POLQ: variants seen among roughly 807,000 people sequenced by gnomAD.
POLQ encodes the protein DNA polymerase theta.
POLQ carries 233 observed loss-of-function variants against 259.2 expected under a neutral mutation model. That is an observed-to-expected ratio of 0.90 (90% CI 0.81 to 1.00). The LOEUF (loss-of-function observed/expected upper bound fraction) is 1.00. POLQ is among the 50% of genes least tolerant of loss of function. The probability of loss-of-function intolerance (pLI) is 0.00; values close to 1 mark genes in which losing one functional copy is unlikely to be tolerated. For synonymous variants in POLQ, 1,025 were observed against 1,048.8 expected (o/e 0.98, Z 0.44); for missense variants, 2,871 against 3,051.6 (o/e 0.94, Z 1.39).
At chr3:121,469,018 T>A (rs1000983342) in intron 22 of POLQ, among the ~76,000 whole-genome samples, 2 of 152,004 alleles carry the variant, frequency 1.3e-5, no homozygotes, top group Admixed American at 1.3e-4. Context: ...AAACCCCGTC[T>A]CCACTAAAAA....
chr3:121,535,309 A>T (rs1311276431), intron 5 of POLQ, among the ~76,000 whole-genome samples: 1 of 152,234 alleles, frequency 6.6e-6, no homozygotes, highest in African/African-American at 2.4e-5. Flanking sequence ...TTTACAAAGG[A>T]TGAAAAACCA....
rs1560097183 is a variant in POLQ, at chr3:121,488,474, CTCATAT to C, written c.4451_4456del (p.Asn1484_Met1485del). 6.2e-7 allele frequency: 1 copy of C among 1,608,852 alleles called. No homozygotes were observed. The highest frequency in any genetic ancestry group is 1.7e-5 in the Admixed American group (1 of 59,102). On this transcript the variant is annotated inframe_deletion, in exon 16 of 30. Coordinates refer to ENST00000264233, the MANE Select transcript of POLQ (RefSeq NM_199420.4). ...GAAGCTATCAAATAGTAAACTATCA[CTCATAT>C]TCAAACTTGTTTCAGGAACTGGAAG...
chr3:121,529,500 GCA>G (rs2048395813), intron 7 of POLQ, 143 bp downstream of exon 7: 1 of 755,128 alleles, frequency 1.3e-6, no homozygotes, highest in African/African-American at 1.8e-5. Flanking sequence ...AATCGCAAAA[GCA>G]CAGTTTGGTA....
At chr3:121,532,961 ATAG>A in intron 6 of POLQ, 26 bp downstream of exon 6, 1 of 1,321,704 alleles carries the variant, frequency 7.6e-7, no homozygotes, top group Non-Finnish European at 1.1e-6. Context: ...ACAGATAAAA[ATAG>A]TAGTGATGTA....
chr3:121,518,170 A>G lies in POLQ; in HGVS notation c.1468+1701T>C, dbSNP rs369882214. On this transcript the variant is annotated intron_variant, in intron 9 of 29. Coordinates refer to ENST00000264233, the MANE Select transcript of POLQ (RefSeq NM_199420.4). ...TTTAAAGACATCTTATTTAATGTAT[A>G]TAGTTGTTTACATTGAGCTCCAGCC... Among the ~76,000 whole-genome samples the G allele has an allele frequency of 1.4e-4, 21 of 152,330 alleles. No homozygotes were observed. In the East Asian group the frequency reaches 3.1e-3, roughly 22 times the overall value.
chr3:121,531,171 G>A (rs1001756516), intron 6 of POLQ, among the ~76,000 whole-genome samples: 1 of 152,066 alleles, frequency 6.6e-6, no homozygotes, highest in Non-Finnish European at 1.5e-5. Flanking sequence ...TGGGCAACAA[G>A]AGCAAAACTC....
At chr3:121,492,286 T>C (rs954931186) in intron 15 of POLQ, among the ~76,000 whole-genome samples, 1 of 152,224 alleles carries the variant, frequency 6.6e-6, no homozygotes, top group Non-Finnish European at 1.5e-5. Context: ...ACTAAATACC[T>C]ATAGAATCTG....
chr3:121,432,927 A>G lies in POLQ; in HGVS notation c.7650T>C (p.Asp2550=), dbSNP rs1281287076. 4 of 1,579,044 alleles carry G rather than the reference A, an allele frequency of 2.5e-6. No individual in the cohort carries two copies. The highest frequency in any genetic ancestry group is 2.7e-5 in the African/African-American group (2 of 74,022). ...DELLYEVAEE[D]VVQVAQIVKN... ...AGCATTGCAAAAATACCTGAACAAC[A>G]TCTTCTTCTGCCACTTCATATAGGA... is the stretch of plus-strand genomic sequence containing the variant. Residue 2550 remains aspartate (D), a synonymous_variant, in exon 29 of 30, where the codon GAT becomes GAC. Transcript: ENST00000264233.
chr3:121,436,209 C>T lies in POLQ; in HGVS notation c.7456G>A (p.Val2486Ile). Residue 2486 changes from valine (V) to isoleucine (I), a missense_variant, in exon 28 of 30, where the codon GTT becomes ATT. Around this residue, in one of 3 missense-constraint regions of POLQ, gnomAD observed 2,080 missense variants for 2,126.0 expected, o/e 0.98. Coordinates refer to ENST00000264233, the MANE Select transcript of POLQ (RefSeq NM_199420.4). ...SAADIVKIAT[V>I]NIQKQLETFH... ...GTCTCTAATTGCTTCTGAATGTTAA[C>T]TGTGGCTATTTTGACAATATCAGCT... 3 of 1,613,704 alleles carry T rather than the reference C, an allele frequency of 1.9e-6. No individual in the cohort carries two copies. The highest frequency in any genetic ancestry group is 2.5e-6 in the Non-Finnish European group (3 of 1,179,608).
At position 121,488,276 on chromosome 3, in the gene POLQ, T is replaced by C. The variant is rs754502145; in HGVS notation, c.4655A>G (p.Asn1552Ser). ...QDTHQQLTCS[N>S]DESIIFSEMD... ...TTCTGAAAATATAATAGATTCATCA[T>C]TGGAACAAGTCAACTGCTGGTGGGT... Residue 1552 changes from asparagine (N) to serine (S), a missense_variant, in exon 16 of 30, where the codon AAT becomes AGT. Around this residue, in one of 3 missense-constraint regions of POLQ, gnomAD observed 2,080 missense variants for 2,126.0 expected, o/e 0.98. Coordinates refer to ENST00000264233, the MANE Select transcript of POLQ (RefSeq NM_199420.4). 19 of 1,612,708 alleles carry C rather than the reference T, an allele frequency of 1.2e-5. No individual in the cohort carries two copies. The highest frequency in any genetic ancestry group is 6.7e-5 in the East Asian group (3 of 44,870).
At chr3:121,500,292 A>C (rs975382638) in intron 12 of POLQ, among the ~76,000 whole-genome samples, 1 of 151,854 alleles carries the variant, frequency 6.6e-6, no homozygotes, top group African/African-American at 2.4e-5. Context: ...AAAAAAAAAA[A>C]AAAAAAAGTG....
At chr3:121,506,022 C>CAAA (rs56305313) in intron 12 of POLQ, among the ~76,000 whole-genome samples, 1 of 88,524 alleles carries the variant, frequency 1.1e-5, no homozygotes, top group African/African-American at 4.6e-5. Context: ...AACTCCATCT[C>CAAA]AAAAAAAAAA....
chr3:121,528,681 A>G (rs796658559), intron 7 of POLQ, among the ~76,000 whole-genome samples: 11 of 151,938 alleles, frequency 7.2e-5, no homozygotes, highest in African/African-American at 2.2e-4. Flanking sequence ...GGCCGGGCAC[A>G]GTGGCTCATG....
At chr3:121,542,249 G>A (rs1176829156) in intron 2 of POLQ, among the ~76,000 whole-genome samples, 2 of 152,148 alleles carry the variant, frequency 1.3e-5, no homozygotes, top group Non-Finnish European at 2.9e-5. Flanking sequence ...GCCACGATGG[G>A]CAAGGTGTTG....
intron 26 of POLQ, among the ~76,000 whole-genome samples, chr3:121,444,276 A>T (rs1369429287): frequency 6.6e-6 from 1 of 152,070 alleles, no homozygotes; most frequent in East Asian, 1.9e-4. Flanking sequence ...TTCTAGTATC[A>T]GTGTTTTATA....
At chr3:121,493,264 T>C (rs1229994051) in intron 15 of POLQ, among the ~76,000 whole-genome samples, 2 of 151,392 alleles carry the variant, frequency 1.3e-5, no homozygotes, top group Non-Finnish European at 2.9e-5. Context: ...ATCGCACCAT[T>C]GCACTCCAGC....
chr3:121,509,930 C>CA, intron 11 of POLQ, 109 bp downstream of exon 11: 1 of 999,022 alleles, frequency 1.0e-6, no homozygotes. Flanking sequence ...CTCAAAAAAT[C>CA]AAATTCCTTT....
intron 14 of POLQ, chr3:121,494,149 C>G: frequency 1.1e-6 from 1 of 877,240 alleles, no homozygotes; most frequent in Non-Finnish European, 1.9e-6. Flanking sequence ...GAAGGTGGCT[C>G]CGGCCCCTGC....
intron 9 of POLQ, among the ~76,000 whole-genome samples, chr3:121,514,324 G>A (rs115299357): frequency 4.7e-5 from 6 of 126,958 alleles, no homozygotes; most frequent in Non-Finnish European, 8.0e-5. Context: ...GTAAAATTCC[G>A]TGTATTAAAA....
Sources: gnomAD v4.1 joint callset for allele counts (sites outside exome capture counted in the v4.1 genomes callset) on GRCh38, gnomAD v4.1.1 for gene constraint, gnomAD v4.1.1 regional missense constraint, MANE v1.5 for transcripts, NCBI Gene and HGNC (gene_info 2026-07-23, HGNC 2026-07-21) for gene names.